Variants in AGTPBP1 observed in about 807,000 individuals in gnomAD.
AGTPBP1 encodes ATP/GTP binding carboxypeptidase 1, also known as cytosolic carboxypeptidase 1.
A neutral mutation model predicts 143.9 loss-of-function variants in AGTPBP1; 70 were observed. The ratio of observed to expected loss-of-function variants is 0.49; its 90% CI spans 0.40 to 0.59. The LOEUF is 0.59. Among genes scored for constraint, AGTPBP1 ranks in the 20% least tolerant of loss-of-function variants. The pLI, the probability that AGTPBP1 is intolerant of heterozygous loss-of-function variation, is 0.00. For synonymous variants in AGTPBP1, 463 were observed against 500.2 expected (o/e 0.93, Z 0.99); for missense variants, 1,229 against 1,464.5 (o/e 0.84, Z 2.62).
chr9:85,588,942 T>C lies in AGTPBP1; in HGVS notation c.2723-464A>G, dbSNP rs1388458444. ...CTGCTCAGAGATTTAGCCCCCAAAA[T>C]TTCACTATACATTTAGATATACAAG... On this transcript the variant is annotated intron_variant, in intron 20 of 25. Coordinates refer to ENST00000357081, the MANE Select transcript of AGTPBP1 (RefSeq NM_001330701.2). Among the ~76,000 whole-genome samples, 9 of 152,236 alleles carry C rather than the reference T, an allele frequency of 5.9e-5. No homozygotes were observed. The East Asian group carries it at 1.5e-3, about 26-fold the overall frequency.
At chr9:85,628,363 G>T (rs558075011) in intron 14 of AGTPBP1, among the ~76,000 whole-genome samples, 2 of 152,146 alleles carry the variant, frequency 1.3e-5, no homozygotes, top group East Asian at 3.9e-4. Flanking sequence ...CAGGAAAATG[G>T]AGCGACAAAT....
At chr9:85,784,031 G>A in the AGTPBP1 span, among the ~76,000 whole-genome samples, 1 of 152,222 alleles carries the variant, frequency 6.6e-6, no homozygotes. Context: ...AAAATATCTT[G>A]GTCACTTGAT....
chr9:85,728,241 A>G (rs1838649088), intron 1 of AGTPBP1, among the ~76,000 whole-genome samples: 1 of 152,142 alleles, frequency 6.6e-6, no homozygotes, highest in Non-Finnish European at 1.5e-5. Flanking sequence ...GGAAAAGTAA[A>G]TAGTATTTCC....
At chr9:85,769,918 G>GCTTT in the AGTPBP1 span, among the ~76,000 whole-genome samples, 1 of 152,158 alleles carries the variant, frequency 6.6e-6, no homozygotes, top group Non-Finnish European at 1.5e-5. Context: ...GTGGGCTTAG[G>GCTTT]CTTTGTTCAA....
intron 17 of AGTPBP1, among the ~76,000 whole-genome samples, chr9:85,605,629 A>C (rs1424168442): frequency 6.6e-6 from 1 of 152,130 alleles, no homozygotes; most frequent in African/African-American, 2.4e-5. Flanking sequence ...TGAGTAAACT[A>C]CTCATATGTT....
chr9:85,733,034 T>G (rs1838992564), intron 1 of AGTPBP1, among the ~76,000 whole-genome samples: 1 of 152,140 alleles, frequency 6.6e-6, no homozygotes, highest in African/African-American at 2.4e-5. Context: ...ACTTCTATAA[T>G]AAAAGGTGGA....
At chr9:85,615,634 G>A (rs1416894370) in intron 17 of AGTPBP1, among the ~76,000 whole-genome samples, 4 of 152,030 alleles carry the variant, frequency 2.6e-5, no homozygotes, top group Non-Finnish European at 5.9e-5. Context: ...AATTATGTAT[G>A]TGAATGTGAA....
intron 14 of AGTPBP1, among the ~76,000 whole-genome samples, chr9:85,623,463 A>G (rs1831072186): frequency 6.6e-6 from 1 of 152,032 alleles, no homozygotes; most frequent in Non-Finnish European, 1.5e-5. Context: ...TCTCTTTAAT[A>G]AAGAGGAGAG....
intron 3 of AGTPBP1, among the ~76,000 whole-genome samples, chr9:85,690,697 A>G (rs1835809249): frequency 6.9e-6 from 1 of 144,952 alleles, no homozygotes; most frequent in African/African-American, 2.8e-5. Flanking sequence ...GGTCAGGAGT[A>G]TTTTCAGTGG....
the AGTPBP1 span, among the ~76,000 whole-genome samples, chr9:85,772,252 G>A: frequency 1.3e-5 from 2 of 152,188 alleles, no homozygotes; most frequent in Admixed American, 6.5e-5. Context: ...GGGATTACAG[G>A]TGTGAGCCAC....
chr9:85,796,352 A>G, the AGTPBP1 span, among the ~76,000 whole-genome samples: 1 of 152,134 alleles, frequency 6.6e-6, no homozygotes, highest in Non-Finnish European at 1.5e-5. Flanking sequence ...TTAATATGTT[A>G]ACTCTTGCAA....
the AGTPBP1 span, among the ~76,000 whole-genome samples, chr9:85,789,843 G>T: frequency 9.7e-4 from 147 of 152,294 alleles, 2 homozygotes; most frequent in Middle Eastern, 0.02. Context: ...GTTTTGGAAT[G>T]ACTATCAGGG....
intron 6 of AGTPBP1, among the ~76,000 whole-genome samples, chr9:85,675,176 A>T (rs1163790988): frequency 6.6e-6 from 1 of 152,072 alleles, no homozygotes; most frequent in Non-Finnish European, 1.5e-5. Flanking sequence ...GATTACAGGC[A>T]TGAGACACCG....
At chr9:85,599,919 G>A (rs1004583701) in intron 17 of AGTPBP1, among the ~76,000 whole-genome samples, 2 of 152,050 alleles carry the variant, frequency 1.3e-5, no homozygotes, top group African/African-American at 4.8e-5. Context: ...AAACTTCCTG[G>A]GTTTGAATTC....
At chr9:85,577,273 TAA>T (rs1827956331) in intron 24 of AGTPBP1, among the ~76,000 whole-genome samples, 1 of 152,220 alleles carries the variant, frequency 6.6e-6, no homozygotes, top group South Asian at 2.1e-4. Context: ...AGTGATGCTT[TAA>T]GTCACCTTCT....
chr9:85,786,910 C>T, the AGTPBP1 span, among the ~76,000 whole-genome samples: 1 of 152,094 alleles, frequency 6.6e-6, no homozygotes, highest in Non-Finnish European at 1.5e-5. Context: ...GTATGTATTA[C>T]TATATAATAT....
chr9:85,738,614 T>C (rs1480740733), intron 1 of AGTPBP1, among the ~76,000 whole-genome samples: 2 of 152,072 alleles, frequency 1.3e-5, no homozygotes, highest in Non-Finnish European at 2.9e-5. Flanking sequence ...AAGATTAAAA[T>C]AGCAGCCATC....
intron 25 of AGTPBP1, among the ~76,000 whole-genome samples, chr9:85,572,004 G>GTTTTTTTTTTTTTTTTTTTTTTT (rs55882437): frequency 9.2e-5 from 4 of 43,494 alleles, no homozygotes; most frequent in Non-Finnish European, 1.5e-4. Flanking sequence ...GTTTGTGTGT[G>GTTTTTTTTTTTTTTTTTTTTTTT]TTTTTTTTTT....
chr9:85,599,175 GGGAGAGAGGGAGAGAGAGGGACAGAA>G (rs1829501991), intron 17 of AGTPBP1, among the ~76,000 whole-genome samples: 1 of 150,986 alleles, frequency 6.6e-6, no homozygotes. Flanking sequence ...AGGTGAGAGA[GGGAGAGAGGGAGAGAGAGGGACAGAA>G]GGAGAGAGGG....
Sources: allele counts gnomAD v4.1 joint callset (sites outside exome capture counted in the v4.1 genomes callset), GRCh38; gene constraint gnomAD v4.1.1; transcripts MANE v1.5; gene names NCBI Gene and HGNC (gene_info 2026-07-23, HGNC 2026-07-21).